The following CERT1 variants were observed in gnomAD, a reference collection of about 807,000 sequenced individuals.
CERT1 encodes ceramide transfer protein.
CERT1 carries 31 observed loss-of-function variants against 87.9 expected under a neutral mutation model. That is an observed-to-expected ratio of 0.35 (90% CI 0.27 to 0.48). The LOEUF is 0.48. Ranked by LOEUF, CERT1 falls within the 20% of genes least tolerant of loss-of-function variation. The pLI is 0.99. For synonymous variants in CERT1, 289 were observed against 250.9 expected, an observed-to-expected ratio of 1.15 and a Z score of -1.44; for missense variants, 487 against 758.0, an observed-to-expected ratio of 0.64 and a Z score of 4.20.
At chr5:75,410,535 G>A (rs1421611584) in intron 8 of CERT1, among the ~76,000 whole-genome samples, 3 of 151,676 alleles carry the variant, frequency 2.0e-5, no homozygotes, top group Non-Finnish European at 4.4e-5. Flanking sequence ...GCGTGAACCC[G>A]GGAGGCGGAG....
intron 5 of CERT1, among the ~76,000 whole-genome samples, chr5:75,423,126 G>A (rs1763456993): frequency 6.6e-6 from 1 of 152,058 alleles, no homozygotes; most frequent in Admixed American, 6.6e-5. Context: ...AAGATTCCGT[G>A]TAATGTCTAT....
At chr5:75,438,379 G>C (rs990426834) in intron 3 of CERT1, among the ~76,000 whole-genome samples, 2 of 152,144 alleles carry the variant, frequency 1.3e-5, no homozygotes, top group African/African-American at 4.8e-5. Context: ...TATAATGTCT[G>C]CTTTTTGAGG....
At chr5:75,471,015 A>G (rs1239829803) in intron 2 of CERT1, among the ~76,000 whole-genome samples, 2 of 152,210 alleles carry the variant, frequency 1.3e-5, no homozygotes, top group Non-Finnish European at 2.9e-5. Flanking sequence ...TAAAATACTT[A>G]GGAATAAATT....
rs753591061 is a variant in CERT1 at position 75,459,962 on chromosome 5, CAAAAAAAAAAAA to C, written c.232-793_232-782del. On this transcript the variant is annotated intron_variant, in intron 2 of 16. Transcript: ENST00000643780. ...GGGTGACAGAGTGAGTCCTCCGTCT[CAAAAAAAAAAAA>C]AAAAAAAAAAAAAAAGATGGAGCCT... 8.0e-3 allele frequency among the ~76,000 whole-genome samples: 204 copies of C among 25,546 alleles called. 3 individuals carry two copies. Among genetic ancestry groups the C allele is most frequent in the East Asian group, 0.029 (23 of 806 alleles). The allele number at this position is 25,546 out of a possible 152,430, so 16.8% of individuals were successfully genotyped here. A position where few individuals can be genotyped will look rare whatever the true frequency, so the allele number is the denominator to read the frequency against.
chr5:75,466,789 GT>G (rs1228563006), intron 2 of CERT1, among the ~76,000 whole-genome samples: 1 of 152,166 alleles, frequency 6.6e-6, no homozygotes, highest in Non-Finnish European at 1.5e-5. Flanking sequence ...ACTTCTCTTT[GT>G]TGCTGTAGTC....
rs190815356 is a variant in CERT1 at position 75,506,833 on chromosome 5, T to C, written c.97-717A>G. ...CAAAAACATATTGGATTGTCTTCAA[T>C]ACCTTAAGAGTTTCTGTGTTGCTAA... On this transcript the variant is annotated intron_variant, in intron 1 of 16. Transcript: ENST00000643780. Among the ~76,000 whole-genome samples, 108 of 152,334 alleles carry C rather than the reference T, an allele frequency of 7.1e-4. 1 individual carries two copies. Among genetic ancestry groups the C allele is most frequent in the African/African-American group, 2.5e-3 (105 of 41,580 alleles).
At chr5:75,487,037 C>G (rs1050978198) in intron 2 of CERT1, among the ~76,000 whole-genome samples, 9 of 151,990 alleles carry the variant, frequency 5.9e-5, no homozygotes, top group African/African-American at 2.2e-4. Flanking sequence ...ATATCCTAAG[C>G]AAAAAGAACA....
intron 6 of CERT1, among the ~76,000 whole-genome samples, chr5:75,417,821 G>C (rs1561248111): frequency 6.6e-6 from 1 of 152,164 alleles, no homozygotes; most frequent in Non-Finnish European, 1.5e-5. Context: ...ATTTAATAAA[G>C]ACTTCTATCC....
At chr5:75,483,047 C>T (rs544345668) in intron 2 of CERT1, among the ~76,000 whole-genome samples, 1 of 152,148 alleles carries the variant, frequency 6.6e-6, no homozygotes, top group Non-Finnish European at 1.5e-5. Flanking sequence ...CTAAGTAAGG[C>T]ACCAGTGATA....
At chr5:75,436,482 A>T (rs1764102086) in intron 3 of CERT1, among the ~76,000 whole-genome samples, 1 of 152,086 alleles carries the variant, frequency 6.6e-6, no homozygotes, top group Non-Finnish European at 1.5e-5. Flanking sequence ...TATTTCTTAT[A>T]CTGGTTTTGG....
chr5:75,469,640 C>A (rs1239489772), intron 2 of CERT1, among the ~76,000 whole-genome samples: 1 of 151,900 alleles, frequency 6.6e-6, no homozygotes, highest in African/African-American at 2.4e-5. Flanking sequence ...ATCAAATGTA[C>A]TATTAGAGAT....
At position 75,469,764 on chromosome 5, in the gene CERT1, T is replaced by C. The variant is rs530368399; in HGVS notation, c.232-10583A>G. Among the ~76,000 whole-genome samples the C allele has an allele frequency of 7.8e-4, 119 of 152,192 alleles. 1 individual carries two copies. Among genetic ancestry groups the C allele is most frequent in the Middle Eastern group, 6.8e-3 (2 of 294 alleles). Reference sequence around the variant, plus strand: ...CCTTAAATATAAATGGATTAAATTCTCCAATCAAAAGACACAGAGTGACTG... The same window carrying C: ...CCTTAAATATAAATGGATTAAATTCCCCAATCAAAAGACACAGAGTGACTG... On this transcript the variant is annotated intron_variant, in intron 2 of 16. Transcript: ENST00000643780.
At chr5:75,457,384 C>A (rs1765027947) in intron 3 of CERT1, among the ~76,000 whole-genome samples, 1 of 152,122 alleles carries the variant, frequency 6.6e-6, no homozygotes, top group Admixed American at 6.5e-5. Flanking sequence ...ATTAACACAG[C>A]CAAGCTCACA....
intron 10 of CERT1, among the ~76,000 whole-genome samples, chr5:75,399,726 C>T (rs937313268): frequency 2.6e-5 from 4 of 152,094 alleles, no homozygotes; most frequent in Non-Finnish European, 5.9e-5. Flanking sequence ...AATGAAAGAA[C>T]TTTATTTTCA....
downstream of CERT1, chr5:75,373,986 T>G (rs1761181315): frequency 1.5e-5 from 6 of 398,276 alleles, no homozygotes; most frequent in East Asian, 2.1e-4. Flanking sequence ...TATTTATAGT[T>G]ATATGCTGAG....
chr5:75,434,447 T>TG (rs984869835), intron 3 of CERT1, among the ~76,000 whole-genome samples: 13 of 152,116 alleles, frequency 8.5e-5, no homozygotes, highest in African/African-American at 3.1e-4. Context: ...GATATTGGCT[T>TG]GAAGTTTTTT....
Position 75,468,548 on chromosome 5 carries a change from C to T in CERT1, c.232-9367G>A, listed in dbSNP as rs144611625. On this transcript the variant is annotated intron_variant, in intron 2 of 16. Transcript: ENST00000643780. Reference sequence around the variant, plus strand: ...GACAGGTGGTAAACTATAGCCCTCACAAAATGGACTCAATCTCTGGCTCCC... The same window carrying T: ...GACAGGTGGTAAACTATAGCCCTCATAAAATGGACTCAATCTCTGGCTCCC... Among the ~76,000 whole-genome samples, 1,267 of 152,252 alleles carry T rather than the reference C, an allele frequency of 8.3e-3. 7 individuals are homozygous for T. Among genetic ancestry groups the T allele is most frequent in the Middle Eastern group, 0.044 (13 of 294 alleles).
downstream of CERT1, chr5:75,373,150 T>C (rs1761147077): frequency 6.6e-6 from 1 of 152,246 alleles, no homozygotes; most frequent in Admixed American, 6.5e-5. Context: ...GAGGCATTGC[T>C]CACATTTTCT....
chr5:75,400,345 T>C, intron 9 of CERT1, 48 bp from the exon 10 acceptor site: 1 of 1,346,758 alleles, frequency 7.4e-7, no homozygotes, highest in Non-Finnish European at 1.1e-6. Flanking sequence ...AAGTGTATTT[T>C]GTAACTCAAG....
Sources: gnomAD v4.1 joint callset for allele counts (sites outside exome capture counted in the v4.1 genomes callset) on GRCh38, gnomAD v4.1.1 for gene constraint, MANE v1.5 for transcripts, NCBI Gene and HGNC (gene_info 2026-07-23, HGNC 2026-07-21) for gene names.